The following KLRK1 variants were observed in gnomAD, a reference collection of about 807,000 sequenced individuals.
The protein encoded by KLRK1 is killer cell lectin like receptor K1, also known as NKG2-D type II integral membrane protein.
KLRK1 carries 40 observed loss-of-function variants against 31.3 expected under a neutral mutation model. The observed-to-expected ratio is 1.28, with a 90% CI of 0.99 to 1.67. KLRK1 has a LOEUF of 1.67. KLRK1 is among the 40% of genes most tolerant of loss of function. The probability of loss-of-function intolerance (pLI) is 0.00; values close to 1 mark genes in which losing one functional copy is unlikely to be tolerated. For missense variants in KLRK1, 251 were observed against 260.0 expected (o/e 0.97, Z 0.24); for synonymous variants, 77 against 77.3 (o/e 1.00, Z 0.02).
intron 7 of KLRK1, among the ~76,000 whole-genome samples, chr12:10,374,385 T>A (rs1323054905): frequency 7.3e-6 from 1 of 137,812 alleles, no homozygotes; most frequent in East Asian, 2.2e-4. Context: ...TTTTTCTTTC[T>A]TTCCTCTCTC....
At chr12:10,380,862 G>A (rs778499266) in intron 3 of KLRK1, among the ~76,000 whole-genome samples, 1 of 152,116 alleles carries the variant, frequency 6.6e-6, no homozygotes, top group Non-Finnish European at 1.5e-5. Context: ...ACCATTTTGA[G>A]AGTGTAGCCA....
At chr12:10,378,357 G>A in intron 6 of KLRK1, 122 bp from the exon 7 acceptor site, 2 of 1,295,814 alleles carry the variant, frequency 1.5e-6, no homozygotes, top group Non-Finnish European at 1.1e-6. Context: ...CCACTAACTG[G>A]CATAATTCTC....
At chr12:10,385,527 G>A (rs1221919800) in intron 3 of KLRK1, among the ~76,000 whole-genome samples, 4 of 151,958 alleles carry the variant, frequency 2.6e-5, no homozygotes. Context: ...AATACCACAT[G>A]TTCTCACTCA....
Position 10,379,790 on chromosome 12 carries a change from A to G in KLRK1, c.151T>C (p.Ser51Pro), listed in dbSNP as rs1186779839. The change falls in exon 4 of 8, where the codon TCT becomes CCT. Residue 51 changes from serine (S) to proline (P), a missense_variant and splice_region_variant. Coordinates refer to ENST00000240618, the MANE Select transcript of KLRK1 (RefSeq NM_007360.4). ...VVKSKCRENASPFFFCCFIAV... is the reference protein window; with the variant it reads ...VVKSKCRENAPPFFFCCFIAV... ...ATGAAGCAGCAGAAAAAAAATGGAGATGCTGTCAAAGAAAAAAGACACAGA... is the reference window on the plus strand; with the variant it reads ...ATGAAGCAGCAGAAAAAAAATGGAGGTGCTGTCAAAGAAAAAAGACACAGA... The G allele has an allele frequency of 6.2e-7, 1 of 1,610,654 alleles. No homozygotes were observed.
chr12:10,380,904 T>C (rs1338646027), intron 3 of KLRK1, among the ~76,000 whole-genome samples: 2 of 152,142 alleles, frequency 1.3e-5, no homozygotes, highest in African/African-American at 4.8e-5. Context: ...TGGGGCCTAA[T>C]AGTTCCTTTA....
chr12:10,384,643 C>G (rs921056361), intron 3 of KLRK1, among the ~76,000 whole-genome samples: 1 of 151,880 alleles, frequency 6.6e-6, no homozygotes, highest in Non-Finnish European at 1.5e-5. Flanking sequence ...ATCTATAACA[C>G]TACTAGAAGA....
chr12:10,380,868 A>T (rs1157281582), intron 3 of KLRK1, among the ~76,000 whole-genome samples: 2 of 152,172 alleles, frequency 1.3e-5, no homozygotes, highest in Non-Finnish European at 2.9e-5. Flanking sequence ...TTGAGAGTGT[A>T]GCCACCACCA....
rs764433611 is a variant in KLRK1, at chr12:10,386,937, T to C, written c.114A>G (p.Arg38=). The stretch of plus-strand genomic sequence containing the variant: ...TACATTTGCTTTTGACTACTGGACA[T>C]CTTTGCTTTTGCCATCGTGTTGAAA... ...SDFSTRWQKQ[R]CPVVKSKCRE... The change falls in exon 3 of 8, where the codon AGA becomes AGG. Residue 38 remains arginine (R), a synonymous_variant. Transcript: ENST00000240618. 8.7e-6 allele frequency: 14 copies of C among 1,612,058 alleles called. No homozygotes were observed. Among genetic ancestry groups the C allele is most frequent in the Non-Finnish European group, 1.1e-5 (13 of 1,179,106 alleles).
chr12:10,378,329 T>A, intron 6 of KLRK1, 94 bp from the exon 7 acceptor site: 1 of 1,401,410 alleles, frequency 7.1e-7, no homozygotes, highest in Non-Finnish European at 9.8e-7. Flanking sequence ...CTCACACTTG[T>A]AAAAAAATGC....
intron 7 of KLRK1, among the ~76,000 whole-genome samples, chr12:10,374,454 G>A (rs1176358998): frequency 2.1e-5 from 3 of 146,244 alleles, no homozygotes; most frequent in Non-Finnish European, 3.0e-5. Flanking sequence ...GTGCAGTGGC[G>A]CAATCTCGGC....
At chr12:10,378,873 G>A (rs1433121377) in intron 5 of KLRK1, 168 bp from the exon 6 acceptor site, 15 of 787,208 alleles carry the variant, frequency 1.9e-5, no homozygotes, top group Middle Eastern at 3.9e-4. Context: ...GAGAAGCCAG[G>A]CTGGGTGTGG....
At chr12:10,380,690 T>G (rs74319460) in intron 3 of KLRK1, among the ~76,000 whole-genome samples, 1,982 of 152,290 alleles carry the variant, frequency 0.013, 39 homozygotes, top group African/African-American at 0.045. Flanking sequence ...ATTCCCATTA[T>G]AAATACCTGC....
chr12:10,388,759 G>GT lies in KLRK1; in HGVS notation c.40+11dup. ...AAAAACAAAACTACACACTTATGTG[G>GT]TAAAAACATACCCCAGCTGTGTCGA... is the stretch of plus-strand genomic sequence containing the variant. On this transcript the variant is annotated intron_variant, in intron 2 of 7. Transcript: ENST00000240618. 1.2e-6 allele frequency: 2 copies of GT among 1,612,686 alleles called. No homozygotes were observed. Among genetic ancestry groups the GT allele is most frequent in the Non-Finnish European group, 1.7e-6 (2 of 1,179,882 alleles).
intron 6 of KLRK1, 70 bp downstream of exon 6, chr12:10,378,484 T>C: frequency 6.3e-7 from 1 of 1,585,936 alleles, no homozygotes; most frequent in Non-Finnish European, 8.5e-7. Context: ...TGTTCTAGGT[T>C]CATATTCCAG....
At chr12:10,379,873 T>C (rs2137809628) in intron 3 of KLRK1, 81 bp from the exon 4 acceptor site, 1 of 1,287,800 alleles carries the variant, frequency 7.8e-7, no homozygotes, top group Non-Finnish European at 1.0e-6. Context: ...AATATTAGAG[T>C]TTTTTAAATG....
chr12:10,389,740 T>C (rs1349776568), intron 1 of KLRK1, among the ~76,000 whole-genome samples: 2 of 152,134 alleles, frequency 1.3e-5, no homozygotes, highest in African/African-American at 4.8e-5. Flanking sequence ...TCAATAAGTA[T>C]ATCCTAATTA....
At chr12:10,380,996 G>A (rs1863064438) in intron 3 of KLRK1, among the ~76,000 whole-genome samples, 1 of 152,066 alleles carries the variant, frequency 6.6e-6, no homozygotes, top group African/African-American at 2.4e-5. Flanking sequence ...TCCACCTAGA[G>A]GACTGTAGCA....
At position 10,388,833 on chromosome 12, in the gene KLRK1, T is replaced by C. The variant is rs1466111882; in HGVS notation, c.-23A>G. 1 of 1,613,588 alleles carries C rather than the reference T, an allele frequency of 6.2e-7. No individual in the cohort carries two copies. The highest frequency in any genetic ancestry group is 1.3e-5 in the African/African-American group (1 of 74,902). ...CATCAAATACTTATAAGTGCACGTC[T>C]ACCGCAGAGAGGAATCTAAAGTCTT... is the stretch of plus-strand genomic sequence containing the variant. On this transcript the variant is annotated 5_prime_UTR_variant, in exon 2 of 8. Coordinates refer to ENST00000240618, the MANE Select transcript of KLRK1 (RefSeq NM_007360.4).
intron 2 of KLRK1, 89 bp from the exon 3 acceptor site, chr12:10,387,099 C>T: frequency 1.1e-6 from 1 of 896,156 alleles, no homozygotes; most frequent in Non-Finnish European, 1.7e-6. Context: ...CCATTTCCAT[C>T]TATGTACTTC....
Sources: gnomAD v4.1 joint callset for allele counts (sites outside exome capture counted in the v4.1 genomes callset) on GRCh38, gnomAD v4.1.1 for gene constraint, MANE v1.5 for transcripts, NCBI Gene and HGNC (gene_info 2026-07-23, HGNC 2026-07-21) for gene names.